Variants in TRPS1 observed in about 807,000 individuals in gnomAD.
TRPS1 encodes the protein zinc finger transcription factor Trps1.
TRPS1 carries 6 observed loss-of-function variants against 101.2 expected under a neutral mutation model. The observed-to-expected ratio is 0.06, with a 90% CI of 0.03 to 0.12. TRPS1 has a LOEUF of 0.12. TRPS1 is among the 10% of genes least tolerant of loss of function. TRPS1 has a pLI of 1.00. For missense variants in TRPS1, 1,363 were observed against 1,567.0 expected, an observed-to-expected ratio of 0.87 and a Z score of 2.20; for synonymous variants, 578 against 589.8, an observed-to-expected ratio of 0.98 and a Z score of 0.29.
intron 5 of TRPS1, among the ~76,000 whole-genome samples, chr8:115,434,675 T>C (rs1008161765): frequency 6.6e-6 from 1 of 152,174 alleles, no homozygotes. Context: ...TGCATTTTGG[T>C]CCTAGCCATA....
chr8:115,603,774 G>T (rs1372329838), intron 4 of TRPS1, 99 bp downstream of exon 4: 1 of 1,406,540 alleles, frequency 7.1e-7, no homozygotes, highest in Non-Finnish European at 9.8e-7. Flanking sequence ...CCAAGTCATT[G>T]GAATCACTCT....
intron 5 of TRPS1, among the ~76,000 whole-genome samples, chr8:115,460,350 A>G (rs1421562526): frequency 6.6e-6 from 1 of 152,112 alleles, no homozygotes; most frequent in African/African-American, 2.4e-5. Context: ...CTGATAGCTT[A>G]TTTAAAGTTT....
chr8:115,544,470 C>T (rs1193007589), intron 5 of TRPS1, among the ~76,000 whole-genome samples: 1 of 151,918 alleles, frequency 6.6e-6, no homozygotes, highest in African/African-American at 2.4e-5. Flanking sequence ...GAGGATGTTG[C>T]TAGAGCTATA....
At position 115,587,551 on chromosome 8, in the gene TRPS1, G is replaced by A. The variant is rs894380497; in HGVS notation, c.2150C>T (p.Thr717Ile). The A allele has an allele frequency of 6.2e-7, 1 of 1,614,188 alleles. No homozygotes were observed. The highest frequency in any genetic ancestry group is 2.2e-5 in the East Asian group (1 of 44,870). The change falls in exon 5 of 7, where the codon ACT (threonine) becomes ATT (isoleucine). Residue 717 changes from threonine (T) to isoleucine (I), a missense_variant. Physicochemically the swap from Thr to Ile is moderately conservative, Grantham distance 89 (BLOSUM62 -1). Coordinates refer to ENST00000395715, the MANE Select transcript of TRPS1 (RefSeq NM_014112.5). Reference protein sequence around the residue: ...CRQCSFTAADTQSLLEHFNTV... With the variant: ...CRQCSFTAADIQSLLEHFNTV... ...GTTGAAGTGCTCCAGTAGTGACTGA[G>A]TATCGGCAGCTGTAAAACTGCACTG...
At chr8:115,660,447 TAAC>T (rs1331876399) in intron 1 of TRPS1, among the ~76,000 whole-genome samples, 2 of 151,976 alleles carry the variant, frequency 1.3e-5, no homozygotes, top group Non-Finnish European at 2.9e-5. Context: ...ATACTCAATT[TAAC>T]AACTAGTAAT....
intron 1 of TRPS1, among the ~76,000 whole-genome samples, chr8:115,644,145 G>A (rs1039232840): frequency 6.6e-6 from 1 of 152,190 alleles, no homozygotes; most frequent in African/African-American, 2.4e-5. Flanking sequence ...AAGGGTCCCA[G>A]AATCTTTGGA....
intron 5 of TRPS1, among the ~76,000 whole-genome samples, chr8:115,433,431 A>G (rs979952118): frequency 1.3e-5 from 2 of 152,074 alleles, no homozygotes; most frequent in Non-Finnish European, 2.9e-5. Context: ...TAGTATTGCA[A>G]CTAAATAATA....
At chr8:115,628,285 A>G (rs1028283686) in intron 1 of TRPS1, among the ~76,000 whole-genome samples, 19 of 151,862 alleles carry the variant, frequency 1.3e-4, no homozygotes, top group Non-Finnish European at 2.9e-5. Context: ...TAACACAAAC[A>G]TTACAATGAA....
chr8:115,440,220 A>G (rs1813557074), intron 5 of TRPS1, among the ~76,000 whole-genome samples: 1 of 152,238 alleles, frequency 6.6e-6, no homozygotes, highest in South Asian at 2.1e-4. Context: ...AAAGTCTGAA[A>G]AACTTATTCT....
At chr8:115,651,992 T>A (rs756397671) in intron 1 of TRPS1, among the ~76,000 whole-genome samples, 1 of 152,184 alleles carries the variant, frequency 6.6e-6, no homozygotes, top group Non-Finnish European at 1.5e-5. Flanking sequence ...ATATGGGAAC[T>A]CAGAACCAAG....
intron 5 of TRPS1, among the ~76,000 whole-genome samples, chr8:115,451,098 C>T (rs1488501365): frequency 6.6e-6 from 1 of 152,114 alleles, no homozygotes; most frequent in Admixed American, 6.6e-5. Context: ...ACAAAGATGA[C>T]GTGACATAAT....
intron 1 of TRPS1, among the ~76,000 whole-genome samples, chr8:115,658,271 A>G (rs1261246169): frequency 1.3e-5 from 2 of 152,124 alleles, no homozygotes; most frequent in East Asian, 3.9e-4. Context: ...ACAGCACAGT[A>G]GCGCACCAGA....
intron 5 of TRPS1, among the ~76,000 whole-genome samples, chr8:115,488,589 T>G (rs908720092): frequency 6.6e-6 from 1 of 152,014 alleles, no homozygotes; most frequent in African/African-American, 2.4e-5. Flanking sequence ...GCAGGAGAAT[T>G]ACTTGAATCC....
intron 5 of TRPS1, among the ~76,000 whole-genome samples, chr8:115,430,443 G>T (rs1343099889): frequency 7.1e-6 from 1 of 141,548 alleles, no homozygotes; most frequent in Non-Finnish European, 1.5e-5. Context: ...TGCCACTTTG[G>T]AGTGTGTGTG....
chr8:115,625,983 C>T (rs1486019733), intron 1 of TRPS1, among the ~76,000 whole-genome samples: 1 of 151,784 alleles, frequency 6.6e-6, no homozygotes, highest in Non-Finnish European at 1.5e-5. Flanking sequence ...GAAAAGTCAT[C>T]GATGGTCTTC....
chr8:115,607,809 T>C (rs939776562), intron 3 of TRPS1, among the ~76,000 whole-genome samples: 10 of 152,254 alleles, frequency 6.6e-5, no homozygotes, highest in African/African-American at 2.4e-4. Context: ...ATACTTTCTA[T>C]ACTGGTAGAT....
rs185603842 is a variant in TRPS1 at position 115,590,967 on chromosome 8, A to C, written c.2097-3363T>G. On this transcript the variant is annotated intron_variant, in intron 4 of 6. Transcript: ENST00000395715. The stretch of plus-strand genomic sequence containing the variant: ...CATGTACCTTAACCATGACCAAAAA[A>C]AAAAAACATTTTTAAAACCAAGCTT... 1.4e-4 allele frequency among the ~76,000 whole-genome samples: 22 copies of C among 152,294 alleles called. No homozygotes were observed. The East Asian group carries it at 4.1e-3, about 28-fold the overall frequency.
At chr8:115,560,889 T>C (rs1422570327) in intron 5 of TRPS1, among the ~76,000 whole-genome samples, 1 of 152,160 alleles carries the variant, frequency 6.6e-6, no homozygotes, top group African/African-American at 2.4e-5. Context: ...GGCAGAAAGC[T>C]TGTTTTAGGA....
chr8:115,534,857 T>C (rs943122925), intron 5 of TRPS1, among the ~76,000 whole-genome samples: 2 of 152,084 alleles, frequency 1.3e-5, no homozygotes, highest in Non-Finnish European at 2.9e-5. Flanking sequence ...GGGTAAAATA[T>C]AAATACTAGT....
Sources: gnomAD v4.1 joint callset for allele counts (sites outside exome capture counted in the v4.1 genomes callset) on GRCh38, gnomAD v4.1.1 for gene constraint, MANE v1.5 for transcripts, NCBI Gene and HGNC (gene_info 2026-07-23, HGNC 2026-07-21) for gene names.